Variants in SGCZ observed in about 807,000 individuals in gnomAD.
The protein encoded by SGCZ is sarcoglycan zeta.
A neutral mutation model predicts 41.3 loss-of-function variants in SGCZ; 40 were observed. That is an observed-to-expected ratio of 0.97 (90% CI 0.75 to 1.26). The LOEUF (loss-of-function observed/expected upper bound fraction) is 1.26, where lower values mean the gene tolerates loss of function less well. Among genes scored for constraint, SGCZ ranks in the 50% most tolerant of loss-of-function variants. SGCZ has a pLI of 0.00. For synonymous variants in SGCZ, 206 were observed against 137.5 expected (o/e 1.50, Z -3.49); for missense variants, 552 against 369.8 (o/e 1.49, Z -4.04).
At chr8:14,763,326 C>G (rs1799946774) in intron 1 of SGCZ, among the ~76,000 whole-genome samples, 2 of 152,080 alleles carry the variant, frequency 1.3e-5, no homozygotes, top group Admixed American at 6.6e-5. Flanking sequence ...ATACGGTGGA[C>G]AAAGCCCATT....
At chr8:14,218,861 C>T (rs747744797) in intron 4 of SGCZ, among the ~76,000 whole-genome samples, 13 of 152,134 alleles carry the variant, frequency 8.5e-5, no homozygotes, top group African/African-American at 1.4e-4. Flanking sequence ...AGAACCTTGG[C>T]GATGAGGACT....
At chr8:14,537,481 A>G (rs962115970) in intron 2 of SGCZ, among the ~76,000 whole-genome samples, 2 of 151,858 alleles carry the variant, frequency 1.3e-5, no homozygotes, top group African/African-American at 4.8e-5. Context: ...ATAATATTTC[A>G]ATATTTGGCC....
chr8:14,857,571 G>A (rs946231949), intron 1 of SGCZ, among the ~76,000 whole-genome samples: 1 of 152,018 alleles, frequency 6.6e-6, no homozygotes, highest in Non-Finnish European at 1.5e-5. Context: ...TTTTAAAAAG[G>A]TGCAGATTTT....
At chr8:15,055,568 G>A (rs1804674653) in intron 1 of SGCZ, among the ~76,000 whole-genome samples, 2 of 152,132 alleles carry the variant, frequency 1.3e-5, no homozygotes, top group Non-Finnish European at 2.9e-5. Context: ...CCATTTCCAG[G>A]CAACAGTATG....
At chr8:14,486,473 C>A (rs1195924868) in intron 2 of SGCZ, among the ~76,000 whole-genome samples, 1 of 152,170 alleles carries the variant, frequency 6.6e-6, no homozygotes, top group South Asian at 2.1e-4. Context: ...GTAATATATT[C>A]CCTAAATAAT....
intron 1 of SGCZ, among the ~76,000 whole-genome samples, chr8:14,931,247 A>G (rs942148632): frequency 6.6e-6 from 1 of 151,970 alleles, no homozygotes; most frequent in Non-Finnish European, 1.5e-5. Context: ...AAAAAATCTC[A>G]TTTTATTCAC....
At chr8:14,764,641 G>A (rs1799987279) in intron 1 of SGCZ, among the ~76,000 whole-genome samples, 1 of 152,112 alleles carries the variant, frequency 6.6e-6, no homozygotes, top group African/African-American at 2.4e-5. Flanking sequence ...ATTGTGGTCA[G>A]GGTTGGAGGG....
intron 1 of SGCZ, among the ~76,000 whole-genome samples, chr8:14,716,769 T>C (rs1351114400): frequency 6.6e-6 from 1 of 152,138 alleles, no homozygotes; most frequent in East Asian, 1.9e-4. Context: ...TTACCTTTTA[T>C]TTCATTTACC....
chr8:15,111,284 A>C (rs1167751729), intron 1 of SGCZ, among the ~76,000 whole-genome samples: 1 of 152,112 alleles, frequency 6.6e-6, no homozygotes, highest in Non-Finnish European at 1.5e-5. Context: ...TGGGTAACAA[A>C]GGATCAGAGG....
At chr8:14,379,834 T>A (rs1041413613) in intron 2 of SGCZ, among the ~76,000 whole-genome samples, 1 of 151,978 alleles carries the variant, frequency 6.6e-6, no homozygotes, top group African/African-American at 2.4e-5. Flanking sequence ...CGGGTTCAAG[T>A]GATTCTCCTG....
chr8:14,797,824 C>A (rs1801187083), intron 1 of SGCZ, among the ~76,000 whole-genome samples: 1 of 152,214 alleles, frequency 6.6e-6, no homozygotes, highest in Admixed American at 6.5e-5. Context: ...CTGCCCCAGC[C>A]ATGGCTTAAA....
chr8:14,216,765 G>A (rs1413370594), intron 4 of SGCZ, among the ~76,000 whole-genome samples: 3 of 152,070 alleles, frequency 2.0e-5, no homozygotes, highest in South Asian at 2.1e-4. Flanking sequence ...CCTGTCATCA[G>A]AATGGTGAAA....
At chr8:15,113,462 A>G (rs1585576731) in intron 1 of SGCZ, among the ~76,000 whole-genome samples, 1 of 152,182 alleles carries the variant, frequency 6.6e-6, no homozygotes, top group African/African-American at 2.4e-5. Context: ...TCTAAATGTC[A>G]TTTGTTTTCT....
chr8:14,259,537 A>T (rs1563218411), intron 3 of SGCZ, among the ~76,000 whole-genome samples: 1 of 145,576 alleles, frequency 6.9e-6, no homozygotes, highest in Non-Finnish European at 1.5e-5. Context: ...ATGGCTAGCC[A>T]GTTTTCCCAG....
At chr8:14,501,632 C>T (rs1439163425) in intron 2 of SGCZ, among the ~76,000 whole-genome samples, 2 of 149,760 alleles carry the variant, frequency 1.3e-5, no homozygotes. Flanking sequence ...TTTCAGGTCC[C>T]TCAAAACACC....
intron 1 of SGCZ, among the ~76,000 whole-genome samples, chr8:15,234,727 T>TA (rs138812567): frequency 6.6e-6 from 1 of 152,114 alleles, no homozygotes; most frequent in Admixed American, 6.6e-5. Flanking sequence ...CAGCACATTT[T>TA]AAAAAACCAA....
intron 3 of SGCZ, among the ~76,000 whole-genome samples, chr8:14,259,403 G>A (rs1008510843): frequency 2.3e-4 from 35 of 151,248 alleles, no homozygotes; most frequent in Non-Finnish European, 4.4e-4. Context: ...TGTCCTGAAT[G>A]GTAATGCCTA....
At chr8:14,556,562 T>C (rs551682168) in intron 1 of SGCZ, among the ~76,000 whole-genome samples, 173 of 152,028 alleles carry the variant, frequency 1.1e-3, no homozygotes, top group Non-Finnish European at 1.9e-3. Flanking sequence ...ATGAACCCAA[T>C]TTGTAGCCTT....
intron 2 of SGCZ, among the ~76,000 whole-genome samples, chr8:14,352,272 G>C (rs767507071): frequency 7.9e-5 from 12 of 151,980 alleles, no homozygotes; most frequent in African/African-American, 7.3e-5. Flanking sequence ...TACTGAGTGA[G>C]GAAGGTGCAG....
Sources: allele counts gnomAD v4.1 joint callset (sites outside exome capture counted in the v4.1 genomes callset), GRCh38; gene constraint gnomAD v4.1.1; transcripts MANE v1.5; gene names NCBI Gene and HGNC (gene_info 2026-07-23, HGNC 2026-07-21).